DNAI4: variants seen among roughly 807,000 people sequenced by gnomAD.
The protein encoded by DNAI4 is dynein axonemal intermediate chain 4.
Under a neutral mutation model 105.8 loss-of-function variants are expected in DNAI4, and 85 were observed. The ratio of observed to expected loss-of-function variants is 0.80; its 90% CI spans 0.67 to 0.96. DNAI4 has a LOEUF of 0.96. Ranked by LOEUF, DNAI4 falls within the 40% of genes least tolerant of loss-of-function variation. The pLI is 0.00. For synonymous variants in DNAI4, 352 were observed against 331.5 expected (o/e 1.06, Z -0.67); for missense variants, 1,014 against 1,005.6 (o/e 1.01, Z -0.11).
At chr1:66,836,327 G>GAAAGAAA (rs1557909294) in intron 10 of DNAI4, among the ~76,000 whole-genome samples, 1 of 146,124 alleles carries the variant, frequency 6.8e-6, no homozygotes, top group Non-Finnish European at 1.5e-5. Flanking sequence ...AAAGAAAGAA[G>GAAAGAAA]GAAAGAGGGA....
intron 10 of DNAI4, 69 bp from the exon 11 acceptor site, chr1:66,835,846 C>T: frequency 6.8e-7 from 1 of 1,460,284 alleles, no homozygotes. Context: ...ATAATGGTGG[C>T]TGAGATTTAG....
chr1:66,861,190 A>G (rs1347227233), intron 7 of DNAI4, among the ~76,000 whole-genome samples: 1 of 152,206 alleles, frequency 6.6e-6, no homozygotes. Flanking sequence ...TGTTATTTCG[A>G]AATACTTATA....
At chr1:66,881,358 G>A (rs145538367) in intron 4 of DNAI4, among the ~76,000 whole-genome samples, 1 of 152,364 alleles carries the variant, frequency 6.6e-6, no homozygotes, top group Non-Finnish European at 1.5e-5. Flanking sequence ...GCCAACCCAT[G>A]AAAGCAGCCA....
chr1:66,862,005 T>C, intron 7 of DNAI4, 142 bp downstream of exon 7: 1 of 756,084 alleles, frequency 1.3e-6, no homozygotes. Flanking sequence ...GACCATGTGA[T>C]AGAGTAATAG....
chr1:66,837,839 A>C, intron 9 of DNAI4, 43 bp from the exon 10 acceptor site: 1 of 1,505,076 alleles, frequency 6.6e-7, no homozygotes, highest in South Asian at 1.2e-5. Context: ...AGAAGATAGC[A>C]TTAAAATATT....
At chr1:66,879,047 C>T (rs1931297) in intron 4 of DNAI4, among the ~76,000 whole-genome samples, 19,638 of 152,158 alleles carry the variant, frequency 0.13, 1,345 homozygotes, top group Middle Eastern at 0.21. Flanking sequence ...AAACCTCCCA[C>T]ATTTTAAGTC....
chr1:66,907,378 T>A (rs538195351), intron 1 of DNAI4, among the ~76,000 whole-genome samples: 7 of 152,318 alleles, frequency 4.6e-5, no homozygotes, highest in African/African-American at 1.7e-4. Context: ...CCACAATTTA[T>A]CAATTGAGTC....
intron 6 of DNAI4, among the ~76,000 whole-genome samples, chr1:66,864,459 C>T (rs1009225489): frequency 2.0e-5 from 3 of 151,872 alleles, no homozygotes; most frequent in Admixed American, 6.6e-5. Flanking sequence ...GGCAAAGAAA[C>T]GCAGGTGTCA....
chr1:66,829,700 A>G (rs1056532191), intron 13 of DNAI4, among the ~76,000 whole-genome samples: 1 of 152,220 alleles, frequency 6.6e-6, no homozygotes, highest in African/African-American at 2.4e-5. Flanking sequence ...CTTGAACAAC[A>G]TTATCAGCCA....
At chr1:66,887,902 T>C (rs561237863) in intron 4 of DNAI4, among the ~76,000 whole-genome samples, 71 of 152,070 alleles carry the variant, frequency 4.7e-4, no homozygotes, top group African/African-American at 1.5e-3. Flanking sequence ...GAGGTTGTAG[T>C]GAGCCGAGAT....
At chr1:66,822,626 AGCC>A (rs1645654907) in intron 15 of DNAI4, 109 bp from the exon 16 acceptor site, 1 of 995,644 alleles carries the variant, frequency 1.0e-6, no homozygotes, top group Non-Finnish European at 1.4e-6. Context: ...AAAAACCATA[AGCC>A]TATTTAAGTG....
intron 1 of DNAI4, among the ~76,000 whole-genome samples, chr1:66,910,592 A>G (rs895827872): frequency 1.3e-5 from 2 of 152,266 alleles, no homozygotes; most frequent in African/African-American, 4.8e-5. Context: ...GCCAAATGCC[A>G]GAACAACAGG....
At chr1:66,857,455 T>C (rs1256152409) in intron 7 of DNAI4, among the ~76,000 whole-genome samples, 7 of 151,512 alleles carry the variant, frequency 4.6e-5, no homozygotes, top group African/African-American at 1.7e-4. Flanking sequence ...CTGCACGTTG[T>C]GCACATGTGC....
intron 2 of DNAI4, among the ~76,000 whole-genome samples, chr1:66,904,097 T>C (rs1292931344): frequency 6.6e-6 from 1 of 151,912 alleles, no homozygotes; most frequent in East Asian, 1.9e-4. Context: ...ATAAGTGAAA[T>C]ACATATGTGC....
intron 8 of DNAI4, among the ~76,000 whole-genome samples, chr1:66,846,191 A>T (rs1231279839): frequency 6.6e-6 from 1 of 152,168 alleles, no homozygotes; most frequent in Non-Finnish European, 1.5e-5. Context: ...CTTTAAATAT[A>T]GGATGAAAAA....
At chr1:66,913,250 G>C (rs895998419) in intron 1 of DNAI4, among the ~76,000 whole-genome samples, 2 of 152,134 alleles carry the variant, frequency 1.3e-5, no homozygotes, top group Admixed American at 1.3e-4. Flanking sequence ...CTCACAATTA[G>C]AGTGCTCAGT....
chr1:66,887,914 G>A (rs1647279929), intron 4 of DNAI4, among the ~76,000 whole-genome samples: 3 of 151,982 alleles, frequency 2.0e-5, no homozygotes, highest in South Asian at 2.1e-4. Flanking sequence ...AGCCGAGATC[G>A]CACCACTGCA....
At chr1:66,895,727 TCA>T (rs144881690) in intron 2 of DNAI4, among the ~76,000 whole-genome samples, 3 of 152,338 alleles carry the variant, frequency 2.0e-5, no homozygotes, top group African/African-American at 4.8e-5. Flanking sequence ...CTTGTGATTC[TCA>T]GTTTCATAAG....
intron 10 of DNAI4, among the ~76,000 whole-genome samples, chr1:66,836,248 GAGAGAGAGAAAGAAAGAAAGAA>G (rs1646005830): frequency 1.7e-5 from 2 of 120,646 alleles, no homozygotes; most frequent in African/African-American, 6.3e-5. Flanking sequence ...GAAAGAAAGA[GAGAGAGAGAAAGAAAGAAAGAA>G]AGAAAGAAAG....
Sources: gnomAD v4.1 joint callset for allele counts (sites outside exome capture counted in the v4.1 genomes callset) on GRCh38, gnomAD v4.1.1 for gene constraint, MANE v1.5 for transcripts, NCBI Gene and HGNC (gene_info 2026-07-23, HGNC 2026-07-21) for gene names.